EPB41L5: variants seen among roughly 807,000 people sequenced by gnomAD.
The protein encoded by EPB41L5 is band 4.1-like protein 5.
A neutral mutation model predicts 106.6 loss-of-function variants in EPB41L5; 55 were observed. The ratio of observed to expected loss-of-function variants is 0.52; its 90% confidence interval spans 0.42 to 0.65. The LOEUF (loss-of-function observed/expected upper bound fraction) is 0.65. Ranked by LOEUF, EPB41L5 falls within the 30% of genes least tolerant of loss-of-function variation. The probability of loss-of-function intolerance (pLI) is 0.00; values close to 1 mark genes in which losing one functional copy is unlikely to be tolerated. For synonymous variants in EPB41L5, 297 were observed against 306.7 expected, an observed-to-expected ratio of 0.97 and a Z score of 0.33; for missense variants, 871 against 882.1, an observed-to-expected ratio of 0.99 and a Z score of 0.16.
At chr2:120,099,629 G>T (rs1047838037) in intron 14 of EPB41L5, among the ~76,000 whole-genome samples, 1 of 151,932 alleles carries the variant, frequency 6.6e-6, no homozygotes, top group Non-Finnish European at 1.5e-5. Flanking sequence ...GGGTTTCACC[G>T]TGTTAGCCAG....
chr2:120,094,609 C>T (rs1359765165), intron 14 of EPB41L5, among the ~76,000 whole-genome samples: 1 of 151,170 alleles, frequency 6.6e-6, no homozygotes, highest in Non-Finnish European at 1.5e-5. Flanking sequence ...TTATTTTTTC[C>T]TTCCACTTTA....
intron 11 of EPB41L5, 109 bp from the exon 12 acceptor site, chr2:120,090,238 C>T (rs925585841): frequency 2.4e-5 from 20 of 850,988 alleles, no homozygotes; most frequent in Non-Finnish European, 3.3e-5. Context: ...GTCTGAATTT[C>T]AGGGAGCACA....
At chr2:120,108,228 T>C (rs1039805054) in intron 16 of EPB41L5, 2 of 152,128 alleles carry the variant, frequency 1.3e-5, no homozygotes, top group Admixed American at 6.6e-5. Flanking sequence ...TGTGTTTATA[T>C]TGGCATGGAA....
chr2:120,046,272 A>G (rs1424639744), intron 3 of EPB41L5, among the ~76,000 whole-genome samples: 12 of 152,198 alleles, frequency 7.9e-5, no homozygotes, highest in Admixed American at 5.2e-4. Flanking sequence ...CAGTCCCACC[A>G]ACAGTGTAAA....
intron 3 of EPB41L5, among the ~76,000 whole-genome samples, chr2:120,068,313 C>T (rs560038539): frequency 3.9e-5 from 6 of 152,316 alleles, no homozygotes; most frequent in East Asian, 3.9e-4. Context: ...CGGGTGCCTA[C>T]GCCACAAGGG....
chr2:120,068,297 T>A (rs1370665870), intron 3 of EPB41L5, among the ~76,000 whole-genome samples: 2 of 152,204 alleles, frequency 1.3e-5, no homozygotes, highest in African/African-American at 4.8e-5. Context: ...GACCAGGAGA[T>A]TCCCTCGGGT....
intron 22 of EPB41L5, 81 bp from the exon 23 acceptor site, chr2:120,167,385 A>G: frequency 3.3e-6 from 4 of 1,203,352 alleles, no homozygotes; most frequent in Non-Finnish European, 4.9e-6. Context: ...GGATTTCATA[A>G]TAGATGTAAG....
Position 120,176,590 on chromosome 2 carries a change from T to C in EPB41L5, c.*1683T>C, listed in dbSNP as rs1687926698. Reference sequence around the variant, plus strand: ...GCTGGCTGCCTCCCCTTAGCCATTATGCTAAAAACAGCTTCTGAGTTTCAC... The same window carrying C: ...GCTGGCTGCCTCCCCTTAGCCATTACGCTAAAAACAGCTTCTGAGTTTCAC... On this transcript the variant is annotated 3_prime_UTR_variant, in exon 25 of 25. Transcript: ENST00000263713. 1 of 152,266 alleles carries C rather than the reference T, an allele frequency of 6.6e-6. No individual in the cohort carries two copies. Among genetic ancestry groups the C allele is most frequent in the African/African-American group, 2.4e-5 (1 of 41,468 alleles). 9.4% of individuals were successfully genotyped at this position (152,266 alleles called of 1,614,324 possible). A position where few individuals can be genotyped will look rare whatever the true frequency, so the allele number is the denominator to read the frequency against.
chr2:120,083,522 A>G (rs1409788070), intron 10 of EPB41L5, among the ~76,000 whole-genome samples: 2 of 152,192 alleles, frequency 1.3e-5, no homozygotes, highest in South Asian at 2.1e-4. Context: ...TTTACTTCCA[A>G]CTATGTGGTC....
At chr2:120,102,287 A>T (rs1176345835) in intron 16 of EPB41L5, among the ~76,000 whole-genome samples, 1 of 152,186 alleles carries the variant, frequency 6.6e-6, no homozygotes, top group Non-Finnish European at 1.5e-5. Context: ...CTTTAGAAAG[A>T]GCATTGAATT....
chr2:120,132,444 C>A (rs542329952), intron 18 of EPB41L5, among the ~76,000 whole-genome samples: 60 of 152,242 alleles, frequency 3.9e-4, no homozygotes, highest in African/African-American at 1.4e-3. Flanking sequence ...GAACGGCTGA[C>A]TCACGGTGTT....
chr2:120,047,567 A>G (rs976846977), intron 3 of EPB41L5, among the ~76,000 whole-genome samples: 9 of 152,152 alleles, frequency 5.9e-5, no homozygotes, highest in Non-Finnish European at 1.3e-4. Context: ...TTGGGCTGAG[A>G]TGATGGGGTT....
chr2:120,032,526 CAG>C (rs1311855840), intron 2 of EPB41L5, among the ~76,000 whole-genome samples: 1 of 974 alleles, frequency 1.0e-3, no homozygotes, highest in Non-Finnish European at 6.7e-3. Flanking sequence ...TTTTAAAGAA[CAG>C]AGTGACATTT....
rs193203865 is a variant in EPB41L5 at position 120,016,562 on chromosome 2, T to A, written c.-8-2515T>A. Reference sequence around the variant, plus strand: ...AGTCTTTAAATGACAGACAATATCTTATTTTTTTTCATTTGGATTTTCTTG... The same window carrying A: ...AGTCTTTAAATGACAGACAATATCTAATTTTTTTTCATTTGGATTTTCTTG... On this transcript the variant is annotated intron_variant, in intron 1 of 24. Coordinates refer to ENST00000263713, the MANE Select transcript of EPB41L5 (RefSeq NM_020909.4). 1.7e-3 allele frequency among the ~76,000 whole-genome samples: 252 copies of A among 152,360 alleles called. 2 individuals are homozygous for A. Among genetic ancestry groups the A allele is most frequent in the African/African-American group, 4.0e-3 (165 of 41,590 alleles).
At chr2:120,129,881 C>G (rs985219575) in intron 17 of EPB41L5, among the ~76,000 whole-genome samples, 16 of 152,202 alleles carry the variant, frequency 1.1e-4, no homozygotes, top group Admixed American at 8.5e-4. Flanking sequence ...CACAGTGGCT[C>G]ACGCCTGTAA....
At chr2:120,169,327 T>G (rs1687562498) in intron 24 of EPB41L5, among the ~76,000 whole-genome samples, 1 of 152,158 alleles carries the variant, frequency 6.6e-6, no homozygotes. Flanking sequence ...TCCATACCAT[T>G]CACAAAAATC....
At chr2:120,129,363 A>G (rs559460431) in intron 17 of EPB41L5, among the ~76,000 whole-genome samples, 1 of 120,508 alleles carries the variant, frequency 8.3e-6, no homozygotes, top group Non-Finnish European at 1.9e-5. Flanking sequence ...AAGAAAGAAA[A>G]AATTAAAAAA....
chr2:120,116,553 GCT>G (rs1182038290), intron 16 of EPB41L5, among the ~76,000 whole-genome samples: 1 of 152,084 alleles, frequency 6.6e-6, no homozygotes, highest in East Asian at 1.9e-4. Context: ...ATAGGGTCTT[GCT>G]CTCTCTTCCA....
At chr2:120,150,160 G>A (rs1212730838) in intron 20 of EPB41L5, among the ~76,000 whole-genome samples, 2 of 151,978 alleles carry the variant, frequency 1.3e-5, no homozygotes, top group African/African-American at 4.8e-5. Context: ...GCCTTCCAAA[G>A]TGCTGAAATT....
Sources: allele counts gnomAD v4.1 joint callset (sites outside exome capture counted in the v4.1 genomes callset), GRCh38; gene constraint gnomAD v4.1.1; transcripts MANE v1.5; gene names NCBI Gene and HGNC (gene_info 2026-07-23, HGNC 2026-07-21).